CNTLN: variants seen among roughly 807,000 people sequenced by gnomAD.
CNTLN encodes the protein centlein, centrosomal protein.
In CNTLN, 212 loss-of-function variants were observed where a neutral mutation model predicts 180.0. That is an observed-to-expected ratio of 1.18 (90% CI 1.05 to 1.32). The LOEUF is 1.32. CNTLN is among the 40% of genes most tolerant of loss of function. The probability of loss-of-function intolerance (pLI) is 0.00; values close to 1 mark genes in which losing one functional copy is unlikely to be tolerated. For missense variants in CNTLN, 2,095 were observed against 1,610.9 expected (o/e 1.30, Z -5.14); for synonymous variants, 722 against 563.1 (o/e 1.28, Z -3.99).
At chr9:17,232,371 T>G (rs560607836) in intron 3 of CNTLN, among the ~76,000 whole-genome samples, 1 of 152,028 alleles carries the variant, frequency 6.6e-6, no homozygotes, top group Non-Finnish European at 1.5e-5. Context: ...AGATTGAGTC[T>G]GTGTTTGTCC....
rs1052605309 is a variant in CNTLN at position 17,329,951 on chromosome 9, G to T, written c.1342-681G>T. ...TAATTTGAAACAGCGAATTTGCATG[G>T]GTTTTAATGGCCTCAAATACATTCA... On this transcript the variant is annotated intron_variant, in intron 8 of 25. Transcript: ENST00000380647. Among the ~76,000 whole-genome samples the T allele has an allele frequency of 2.6e-5, 4 of 151,984 alleles. No individual in the cohort carries two copies. The East Asian group carries it at 5.8e-4, about 22-fold the overall frequency.
chr9:17,272,120 T>G lies in CNTLN; in HGVS notation c.850-1613T>G, dbSNP rs372999181. Among the ~76,000 whole-genome samples, 300 of 138,826 alleles carry G rather than the reference T, an allele frequency of 2.2e-3. 1 individual carries two copies. The highest frequency in any genetic ancestry group is 7.4e-3 in the African/African-American group (286 of 38,702). The allele number at this position is 138,826 out of a possible 152,430, so 91.1% of individuals were successfully genotyped here. A position where few individuals can be genotyped will look rare whatever the true frequency, so the allele number is the denominator to read the frequency against. On this transcript the variant is annotated intron_variant, in intron 5 of 25. Transcript: ENST00000380647. ...TCCCTCCCTCCCTCCCTCCCTTCCT[T>G]CCTTTCTTTCCTTTGGTGCGATTTC...
intron 2 of CNTLN, among the ~76,000 whole-genome samples, chr9:17,173,992 T>C (rs530528931): frequency 6.2e-4 from 94 of 152,308 alleles, no homozygotes; most frequent in African/African-American, 2.0e-3. Context: ...CTCTTTATGC[T>C]CCACACCCTA....
At chr9:17,274,458 TATCTATC>T (rs1465049869) in intron 6 of CNTLN, among the ~76,000 whole-genome samples, 1 of 53,286 alleles carries the variant, frequency 1.9e-5, no homozygotes. Context: ...GATCAATATC[TATCTATC>T]TATCTATCTA....
intron 2 of CNTLN, among the ~76,000 whole-genome samples, chr9:17,211,646 A>C (rs1294585146): frequency 3.3e-5 from 5 of 152,302 alleles, no homozygotes; most frequent in Non-Finnish European, 4.4e-5. Context: ...TACCTTGGGC[A>C]GTATGGCCAT....
chr9:17,497,443 G>T (rs919256484), intron 25 of CNTLN, among the ~76,000 whole-genome samples: 4 of 152,138 alleles, frequency 2.6e-5, no homozygotes, highest in African/African-American at 4.8e-5. Flanking sequence ...CTTGCTGGCA[G>T]TTCATTTTAC....
rs140582887 is a variant in CNTLN, at chr9:17,503,824, G to T, written c.*1172G>T. 4,263 of 152,624 alleles carry T rather than the reference G, an allele frequency of 0.028. 86 individuals carry two copies. Among genetic ancestry groups the T allele is most frequent in the Middle Eastern group, 0.075 (22 of 294 alleles). 9.5% of individuals were successfully genotyped at this position (152,624 alleles called of 1,614,324 possible). On this transcript the variant is annotated 3_prime_UTR_variant, in exon 26 of 26. Coordinates refer to ENST00000380647, the MANE Select transcript of CNTLN (RefSeq NM_017738.4). ...AAGAATGGTTTTTGCCTTATTAAAT[G>T]GTTTTTAAAAAATCAAAAGGAGAAT... is the stretch of plus-strand genomic sequence containing the variant.
At chr9:17,252,569 A>C (rs374393539) in intron 5 of CNTLN, among the ~76,000 whole-genome samples, 59 of 151,620 alleles carry the variant, frequency 3.9e-4, no homozygotes, top group African/African-American at 1.3e-3. Flanking sequence ...ATTTTTGTAC[A>C]TGTTATAATG....
At chr9:17,473,786 G>A (rs903713195) in intron 23 of CNTLN, among the ~76,000 whole-genome samples, 2 of 152,122 alleles carry the variant, frequency 1.3e-5, no homozygotes, top group African/African-American at 4.8e-5. Flanking sequence ...CCCCGCCAAA[G>A]TAGTTTATTC....
chr9:17,504,328 G>A (rs1293051140), downstream of CNTLN, among the ~76,000 whole-genome samples: 4 of 151,980 alleles, frequency 2.6e-5, no homozygotes, highest in Non-Finnish European at 4.4e-5. Context: ...AGGAAAGCAC[G>A]AGTAATAAAA....
intron 8 of CNTLN, among the ~76,000 whole-genome samples, chr9:17,309,713 T>G (rs1333643049): frequency 1.3e-5 from 2 of 152,122 alleles, no homozygotes; most frequent in Non-Finnish European, 1.5e-5. Flanking sequence ...TTCTTACTAT[T>G]TCCTGTGGTA....
At chr9:17,306,543 T>C (rs904465571) in intron 7 of CNTLN, among the ~76,000 whole-genome samples, 1 of 152,190 alleles carries the variant, frequency 6.6e-6, no homozygotes, top group Non-Finnish European at 1.5e-5. Context: ...TAAAGCCTTA[T>C]ATTTGTGGAA....
intron 18 of CNTLN, chr9:17,447,408 C>G (rs1281719189): frequency 5.8e-6 from 1 of 173,076 alleles, no homozygotes; most frequent in East Asian, 1.6e-4. Flanking sequence ...CCTGGCTTGG[C>G]TTTAAACGTG....
chr9:17,224,258 A>G (rs1160691972), intron 2 of CNTLN, among the ~76,000 whole-genome samples: 2 of 151,978 alleles, frequency 1.3e-5, no homozygotes, highest in African/African-American at 2.4e-5. Flanking sequence ...AACTTGGTTT[A>G]TTTTGTTCCC....
intron 7 of CNTLN, among the ~76,000 whole-genome samples, chr9:17,304,217 C>T (rs1818556160): frequency 6.6e-6 from 1 of 152,134 alleles, no homozygotes; most frequent in African/African-American, 2.4e-5. Flanking sequence ...AACAAATCAT[C>T]AGTCTCATAT....
intron 6 of CNTLN, among the ~76,000 whole-genome samples, chr9:17,291,267 A>G (rs1029895309): frequency 6.6e-6 from 1 of 152,142 alleles, no homozygotes; most frequent in South Asian, 2.1e-4. Flanking sequence ...TGTCGCCAAG[A>G]AGAATATATA....
intron 12 of CNTLN, among the ~76,000 whole-genome samples, chr9:17,354,254 C>G (rs1822627452): frequency 1.3e-5 from 2 of 152,174 alleles, no homozygotes; most frequent in Non-Finnish European, 2.9e-5. Flanking sequence ...CGAGCCTCCC[C>G]GACGAGCACC....
At chr9:17,214,349 A>C (rs1823569667) in intron 2 of CNTLN, among the ~76,000 whole-genome samples, 1 of 152,122 alleles carries the variant, frequency 6.6e-6, no homozygotes, top group South Asian at 2.1e-4. Context: ...TCTGGGTTGA[A>C]AATTATTTTC....
intron 13 of CNTLN, among the ~76,000 whole-genome samples, chr9:17,386,052 C>G (rs1157448580): frequency 6.6e-6 from 1 of 151,976 alleles, no homozygotes; most frequent in Non-Finnish European, 1.5e-5. Flanking sequence ...CTTTCTTAAT[C>G]CCTCAAATTG....
Sources: gnomAD v4.1 joint callset for allele counts (sites outside exome capture counted in the v4.1 genomes callset) on GRCh38, gnomAD v4.1.1 for gene constraint, MANE v1.5 for transcripts, NCBI Gene and HGNC (gene_info 2026-07-23, HGNC 2026-07-21) for gene names.